Variants in TERT observed in about 807,000 individuals in gnomAD.
TERT encodes the protein telomerase reverse transcriptase.
In TERT, 42 loss-of-function variants were observed where a neutral mutation model predicts 104.0. The observed-to-expected ratio is 0.40, with a 90% CI of 0.32 to 0.52. The LOEUF (loss-of-function observed/expected upper bound fraction) is 0.52. TERT is among the 20% of genes least tolerant of loss of function. The pLI, the probability that TERT is intolerant of heterozygous loss-of-function variation, is 0.43. For missense variants in TERT, 1,101 were observed against 1,610.3 expected, an observed-to-expected ratio of 0.68 and a Z score of 5.41; for synonymous variants, 781 against 725.6, an observed-to-expected ratio of 1.08 and a Z score of -1.23.
chr5:1,258,162 G>A (rs1747888062), intron 13 of TERT, among the ~76,000 whole-genome samples: 2 of 152,332 alleles, frequency 1.3e-5, no homozygotes, highest in East Asian at 3.9e-4. Flanking sequence ...CACCTTCCCG[G>A]GGGTGGGGCC....
At chr5:1,267,539 G>A (rs970400541) in intron 9 of TERT, among the ~76,000 whole-genome samples, 2 of 152,350 alleles carry the variant, frequency 1.3e-5, no homozygotes, top group Admixed American at 1.3e-4. Flanking sequence ...GCACACGTAT[G>A]TTTATTGCGG....
intron 15 of TERT, among the ~76,000 whole-genome samples, chr5:1,254,101 C>T (rs1378544121): frequency 1.3e-5 from 2 of 152,154 alleles, no homozygotes; most frequent in Admixed American, 1.3e-4. Flanking sequence ...GGACACAGGT[C>T]AGGGGTCAGA....
intron 2 of TERT, among the ~76,000 whole-genome samples, chr5:1,291,624 G>A (rs1260401965): frequency 1.5e-5 from 2 of 129,802 alleles, no homozygotes; most frequent in South Asian, 2.6e-4. Flanking sequence ...CACCCTGCAC[G>A]GGACAGGGAC....
chr5:1,266,046 A>C (rs1054045092), intron 10 of TERT, among the ~76,000 whole-genome samples: 1 of 152,176 alleles, frequency 6.6e-6, no homozygotes, highest in Non-Finnish European at 1.5e-5. Flanking sequence ...GGGCCAGCTC[A>C]CTCAGCAGCT....
rs1751062725 is a variant in TERT at position 1,292,550 on chromosome 5, T to C, written c.1573+763A>G. Among the ~76,000 whole-genome samples, 1 of 152,170 alleles carries C rather than the reference T, an allele frequency of 6.6e-6. No individual in the cohort carries two copies. The highest frequency in any genetic ancestry group is 1.5e-5 in the Non-Finnish European group (1 of 68,006). Reference sequence around the variant, plus strand: ...TTTTAAAGACAGAGTTTCACTCTTGTCGCCCAGGCTGGAGTACAATGGCAC... The same window carrying C: ...TTTTAAAGACAGAGTTTCACTCTTGCCGCCCAGGCTGGAGTACAATGGCAC... On this transcript the variant is annotated intron_variant, in intron 2 of 15. Coordinates refer to ENST00000310581, the MANE Select transcript of TERT (RefSeq NM_198253.3). The surrounding 1 kb of genome is among the most constrained non-coding windows in gnomAD (Gnocchi z 5.5).
At chr5:1,259,833 C>T (rs1192888773) in intron 12 of TERT, among the ~76,000 whole-genome samples, 19 of 137,394 alleles carry the variant, frequency 1.4e-4, no homozygotes, top group Admixed American at 1.3e-3. Flanking sequence ...GGAGTGGACG[C>T]GGACGCCCAC....
rs566704993 is a variant in TERT, at chr5:1,286,772, T to C, written c.1574-4148A>G. ...GGGCGCCTGTAATCCCAGCTACTCA[T>C]GAGGTTGAGGAATGAGAACTGCTTG... On this transcript the variant is annotated intron_variant, in intron 2 of 15. Transcript: ENST00000310581. This position sits in a 1 kb window ranked among gnomAD's most constrained non-coding sequence, Gnocchi z 5.3. Among the ~76,000 whole-genome samples, 1 of 151,738 alleles carries C rather than the reference T, an allele frequency of 6.6e-6. No individual in the cohort carries two copies. Among genetic ancestry groups the C allele is most frequent in the Non-Finnish European group, 1.5e-5 (1 of 67,944 alleles).
chr5:1,254,261 G>T, intron 15 of TERT, 107 bp downstream of exon 15: 1 of 1,506,988 alleles, frequency 6.6e-7, no homozygotes, highest in South Asian at 1.1e-5. Flanking sequence ...GGTCAGGCCC[G>T]GGGGCGTCTG....
rs993397519 is a variant in TERT at position 1,270,548 on chromosome 5, C to T, written c.2468+571G>A. Among the ~76,000 whole-genome samples, 11 of 152,182 alleles carry T rather than the reference C, an allele frequency of 7.2e-5. No individual in the cohort carries two copies. The highest frequency in any genetic ancestry group is 2.1e-4 in the South Asian group (1 of 4,832). ...TGTGGCTCACCCAGTGGCTGTGTGA[C>T]GGCAGCTCTCCCAGGCCGCCTGCCC... On this transcript the variant is annotated intron_variant, in intron 8 of 15. Transcript: ENST00000310581. This position sits in a 1 kb window ranked among gnomAD's most constrained non-coding sequence, Gnocchi z 8.3.
rs575165048 is a variant in TERT at position 1,271,342 on chromosome 5, A to T, written c.2383-138T>A. On this transcript the variant is annotated intron_variant, in intron 7 of 15. Coordinates refer to ENST00000310581, the MANE Select transcript of TERT (RefSeq NM_198253.3). ...CGGGGCTGGGCTGGAATGCAGGGCC[A>T]TCGTGGGCTGGCCGGGCCGAGTCTC... 2.1e-4 allele frequency: 150 copies of T among 726,094 alleles called. 1 individual carries two copies. In the African/African-American group the frequency reaches 2.4e-3, roughly 12 times the overall value. 45.0% of individuals were successfully genotyped at this position (726,094 alleles called of 1,614,324 possible).
intron 7 of TERT, among the ~76,000 whole-genome samples, chr5:1,271,500 C>A (rs1463885121): frequency 6.6e-6 from 1 of 152,192 alleles, no homozygotes; most frequent in Non-Finnish European, 1.5e-5. Flanking sequence ...GGAGTTGCTG[C>A]CCAGCTGCCG....
rs1333014316 is a variant in TERT at position 1,295,015 on chromosome 5, T to G, written c.-26A>C. On this transcript the variant is annotated 5_prime_UTR_variant, in exon 1 of 16. Coordinates refer to ENST00000310581, the MANE Select transcript of TERT (RefSeq NM_198253.3). ...CGCGGGGGTGGCCGGGGCCAGGGCT[T>G]CCCACGTGCGCAGCAGGACGCAGCG... 4.5e-5 allele frequency: 58 copies of G among 1,286,778 alleles called. No homozygotes were observed. The highest frequency in any genetic ancestry group is 2.9e-4 in the Admixed American group (7 of 24,178). 79.7% of individuals were successfully genotyped at this position (1,286,778 alleles called of 1,614,324 possible).
chr5:1,281,804 G>A (rs922313798), intron 3 of TERT, among the ~76,000 whole-genome samples: 11 of 152,142 alleles, frequency 7.2e-5, no homozygotes, highest in African/African-American at 1.2e-4. Context: ...AAAGAGAATC[G>A]GGGGCTGGGC....
At chr5:1,254,321 T>C in intron 15 of TERT, 47 bp downstream of exon 15, 3 of 1,612,266 alleles carry the variant, frequency 1.9e-6, no homozygotes, top group Non-Finnish European at 2.5e-6. Context: ...CGTTCAAGGA[T>C]GACCCCTGGG....
chr5:1,259,394 T>C (rs1317035553), intron 12 of TERT, among the ~76,000 whole-genome samples: 36 of 59,316 alleles, frequency 6.1e-4, no homozygotes, highest in Admixed American at 1.4e-3. Flanking sequence ...AGGGAGTGGA[T>C]GCGGACGCCC....
chr5:1,272,023 C>G (rs1237662340), intron 7 of TERT, among the ~76,000 whole-genome samples, 162 bp downstream of exon 7: 1 of 152,246 alleles, frequency 6.6e-6, no homozygotes, highest in African/African-American at 2.4e-5. Context: ...TGGCCCAGCT[C>G]AGATTTCGCC....
intron 6 of TERT, 142 bp downstream of exon 6, chr5:1,278,499 G>A (rs190252717): frequency 4.1e-5 from 50 of 1,209,856 alleles, no homozygotes; most frequent in Admixed American, 2.0e-4. Flanking sequence ...CGACACACAC[G>A]TGCCACACAC....
Position 1,274,891 on chromosome 5 carries a change from AAGG to A in TERT, c.2287-2614_2287-2612del, listed in dbSNP as rs986727807. On this transcript the variant is annotated intron_variant, in intron 6 of 15. Coordinates refer to ENST00000310581, the MANE Select transcript of TERT (RefSeq NM_198253.3). The surrounding 1 kb of genome is among the most constrained non-coding windows in gnomAD (Gnocchi z 5.3). ...AATAAACAAAGCCTAAAGGAAATGG[AAGG>A]AGGCCATCGATAAACAGCAGACACC... is the stretch of plus-strand genomic sequence containing the variant. 9.8e-5 allele frequency among the ~76,000 whole-genome samples: 15 copies of A among 152,364 alleles called. No homozygotes were observed. The highest frequency in any genetic ancestry group is 9.1e-4 in the Admixed American group (14 of 15,304).
In TERT at chr5:1,253,617, T is replaced by A; in HGVS notation, c.*111A>T. ...CCAAACACTCACTCAGGCCTCAGAC[T>A]CCCAGCGGTGCGGGCCTGGGTGTGG... On this transcript the variant is annotated 3_prime_UTR_variant, in exon 16 of 16. Coordinates refer to ENST00000310581, the MANE Select transcript of TERT (RefSeq NM_198253.3). 1.1e-6 allele frequency: 1 copy of A among 894,418 alleles called. No homozygotes were observed. The highest frequency in any genetic ancestry group is 1.8e-6 in the Non-Finnish European group (1 of 561,974). The allele number at this position is 894,418 out of a possible 1,614,324, so 55.4% of individuals were successfully genotyped here.
Sources: gnomAD v4.1 joint callset for allele counts (sites outside exome capture counted in the v4.1 genomes callset) on GRCh38, gnomAD v4.1.1 for gene constraint, Gnocchi (gnomAD v3.1) non-coding constraint, MANE v1.5 for transcripts, NCBI Gene and HGNC (gene_info 2026-07-23, HGNC 2026-07-21) for gene names.